GRID1: variants seen among roughly 807,000 people sequenced by gnomAD.
GRID1 encodes glutamate ionotropic receptor delta type subunit 1.
A neutral mutation model predicts 98.0 loss-of-function variants in GRID1; 28 were observed. That is an observed-to-expected ratio of 0.29 (90% CI 0.21 to 0.39). The LOEUF (loss-of-function observed/expected upper bound fraction) is 0.39. GRID1 is among the 10% of genes least tolerant of loss of function. The pLI is 1.00. For missense variants in GRID1, 1,111 were observed against 1,340.5 expected (o/e 0.83, Z 2.67); for synonymous variants, 553 against 538.5 (o/e 1.03, Z -0.37).
At chr10:85,938,861 C>G (rs1471821704) in intron 4 of GRID1, among the ~76,000 whole-genome samples, 5 of 152,202 alleles carry the variant, frequency 3.3e-5, no homozygotes, top group African/African-American at 1.2e-4. Context: ...ACAACAATCT[C>G]TCATATTCAA....
intron 4 of GRID1, among the ~76,000 whole-genome samples, chr10:86,015,563 C>T (rs1842970067): frequency 6.6e-6 from 1 of 152,232 alleles, no homozygotes; most frequent in Non-Finnish European, 1.5e-5. Flanking sequence ...CAATGTCCAG[C>T]TGTGGAGGAA....
At chr10:86,020,054 T>A (rs1175696521) in intron 4 of GRID1, among the ~76,000 whole-genome samples, 1 of 152,218 alleles carries the variant, frequency 6.6e-6, no homozygotes, top group African/African-American at 2.4e-5. Context: ...TAAGCCAAAT[T>A]CAATTTGTAC....
intron 2 of GRID1, among the ~76,000 whole-genome samples, chr10:86,285,520 C>A (rs1847418946): frequency 6.6e-6 from 1 of 152,224 alleles, no homozygotes. Context: ...CCGACTGGGT[C>A]AACAACACAG....
intron 12 of GRID1, among the ~76,000 whole-genome samples, chr10:85,658,818 T>C (rs1840931851): frequency 6.6e-6 from 1 of 152,162 alleles, no homozygotes. Context: ...AAAGATAACA[T>C]TGCATTGTTT....
At chr10:85,995,785 CAA>C (rs1490320827) in intron 4 of GRID1, among the ~76,000 whole-genome samples, 1 of 152,198 alleles carries the variant, frequency 6.6e-6, no homozygotes, top group African/African-American at 2.4e-5. Context: ...GGAGAACCAT[CAA>C]AGAGTCCCTC....
rs1266694856 is a variant in GRID1, at chr10:86,206,933, T to C, written c.236-285A>G. Among the ~76,000 whole-genome samples, 1 of 152,208 alleles carries C rather than the reference T, an allele frequency of 6.6e-6. No homozygotes were observed. The highest frequency in any genetic ancestry group is 1.5e-5 in the Non-Finnish European group (1 of 68,026). On this transcript the variant is annotated intron_variant, in intron 2 of 15. Transcript: ENST00000327946. This position sits in a 1 kb window ranked among gnomAD's most constrained non-coding sequence, Gnocchi z 4.1. The stretch of plus-strand genomic sequence containing the variant: ...TTGCCCTAGGCTAGTCAGGGAAGGA[T>C]GGTAGAGCACAGATCCATCCCAAAT...
At chr10:85,999,484 C>T (rs1200603628) in intron 4 of GRID1, among the ~76,000 whole-genome samples, 5 of 152,216 alleles carry the variant, frequency 3.3e-5, no homozygotes, top group Non-Finnish European at 4.4e-5. Context: ...ATTTGCCCTG[C>T]TACCAAAACC....
intron 8 of GRID1, among the ~76,000 whole-genome samples, chr10:85,748,638 C>T (rs1842018405): frequency 6.6e-6 from 1 of 152,138 alleles, no homozygotes; most frequent in Admixed American, 6.5e-5. Context: ...AATTAGAACA[C>T]ATATTAACAT....
rs1318961610 is a variant in GRID1, at chr10:86,366,356, A to C, written c.37T>G (p.Cys13Gly). ...ALTLWLLPWI[C>G]QCVSVRADSI... ...TCGGCCCGCACCGACACGCACTGGC[A>C]TATCCAGGGGAGAAGCCACAGCGTC... The change falls in exon 1 of 16, where the codon TGC becomes GGC. Residue 13 changes from cysteine to glycine, a missense_variant. Around this residue, in one of 3 missense-constraint regions of GRID1, gnomAD observed 346 missense variants for 452.3 expected, o/e 0.76. Transcript: ENST00000327946. This position sits in a 1 kb window ranked among gnomAD's most constrained non-coding sequence, Gnocchi z 4.1. 1 of 1,524,022 alleles carries C rather than the reference A, an allele frequency of 6.6e-7. No homozygotes were observed. Among genetic ancestry groups the C allele is most frequent in the East Asian group, 2.6e-5 (1 of 37,976 alleles). The allele number at this position is 1,524,022 out of a possible 1,614,324, so 94.4% of individuals were successfully genotyped here.
intron 13 of GRID1, chr10:85,646,997 A>C: frequency 1.7e-6 from 1 of 605,212 alleles, no homozygotes; most frequent in Non-Finnish European, 3.0e-6. Context: ...CCCAGCCAGC[A>C]CCACTCTACA....
At chr10:85,993,082 A>T (rs928763120) in intron 4 of GRID1, among the ~76,000 whole-genome samples, 6 of 152,224 alleles carry the variant, frequency 3.9e-5, no homozygotes, top group Non-Finnish European at 7.3e-5. Flanking sequence ...GGGACACGGA[A>T]TGTGAAGGGA....
intron 2 of GRID1, among the ~76,000 whole-genome samples, chr10:86,280,617 A>G (rs375783373): frequency 1.3e-5 from 2 of 152,272 alleles, no homozygotes; most frequent in African/African-American, 4.8e-5. Flanking sequence ...TATTTTACAA[A>G]AGCTTTCATC....
At chr10:86,181,240 T>C (rs1870168) in intron 3 of GRID1, among the ~76,000 whole-genome samples, 65,275 of 152,112 alleles carry the variant, frequency 0.43, 14,774 homozygotes, top group South Asian at 0.57. Flanking sequence ...CAACCATCAC[T>C]TTACAAATCC....
chr10:86,167,540 G>A (rs1589395039), intron 3 of GRID1, among the ~76,000 whole-genome samples: 3 of 152,314 alleles, frequency 2.0e-5, no homozygotes, highest in East Asian at 1.9e-4. Context: ...AGTGGTTGCT[G>A]GGGGAGTGGC....
At chr10:85,683,622 T>C (rs1032591478) in intron 12 of GRID1, among the ~76,000 whole-genome samples, 4 of 152,242 alleles carry the variant, frequency 2.6e-5, no homozygotes, top group East Asian at 1.9e-4. Flanking sequence ...TAGCTTTTCA[T>C]GCTCACTGGC....
At chr10:85,677,834 G>T (rs562176975) in intron 12 of GRID1, among the ~76,000 whole-genome samples, 8 of 152,228 alleles carry the variant, frequency 5.3e-5, no homozygotes, top group Admixed American at 2.6e-4. Flanking sequence ...ATGCACAATG[G>T]GGGGAGGTGA....
chr10:86,199,771 G>A lies in GRID1; in HGVS notation c.520+6593C>T, dbSNP rs547019456. On this transcript the variant is annotated intron_variant, in intron 3 of 15. Transcript: ENST00000327946. ...CTGGGACTGTGGTTTGTCCTAACTC[G>A]GATCATCATTCCTGAGAATGTGTCA... Among the ~76,000 whole-genome samples the A allele has an allele frequency of 7.9e-5, 12 of 152,194 alleles. No individual in the cohort carries two copies. The South Asian group carries it at 1.5e-3, about 18-fold the overall frequency.
chr10:85,940,048 C>T (rs1193883504), intron 4 of GRID1, among the ~76,000 whole-genome samples: 2 of 129,296 alleles, frequency 1.5e-5, no homozygotes, highest in Non-Finnish European at 3.1e-5. Context: ...GCCTGGGCGA[C>T]ACAGTGAGAC....
At chr10:86,268,781 A>G (rs1589432462) in intron 2 of GRID1, among the ~76,000 whole-genome samples, 2 of 152,272 alleles carry the variant, frequency 1.3e-5, no homozygotes, top group Non-Finnish European at 2.9e-5. Context: ...ACTTAAGGTC[A>G]GGAGTTTGAG....
Sources: gnomAD v4.1 joint callset for allele counts (sites outside exome capture counted in the v4.1 genomes callset) on GRCh38, gnomAD v4.1.1 for gene constraint, gnomAD v4.1.1 regional missense constraint, Gnocchi (gnomAD v3.1) non-coding constraint, MANE v1.5 for transcripts, NCBI Gene and HGNC (gene_info 2026-07-23, HGNC 2026-07-21) for gene names.